Variants in PRELID2 observed in about 807,000 individuals in gnomAD.
PRELID2 encodes PRELI domain containing 2, also known as PRELI domain-containing protein 2.
In PRELID2, 25 loss-of-function variants were observed where a neutral mutation model predicts 28.4. That is an observed-to-expected ratio of 0.88 (90% CI 0.64 to 1.23). The LOEUF (loss-of-function observed/expected upper bound fraction) is 1.23. Ranked by LOEUF, PRELID2 falls within the 50% of genes most tolerant of loss-of-function variation. PRELID2 has a pLI of 0.00. For synonymous variants in PRELID2, 76 were observed against 71.6 expected (o/e 1.06, Z -0.31); for missense variants, 201 against 214.4 (o/e 0.94, Z 0.39).
intron 1 of PRELID2, among the ~76,000 whole-genome samples, chr5:145,572,263 C>A (rs1461472560): frequency 6.6e-6 from 1 of 152,184 alleles, no homozygotes; most frequent in Non-Finnish European, 1.5e-5. Context: ...TGATTGATGT[C>A]TTATGTCTCC....
At chr5:145,799,606 TGAG>T (rs1752994836) in intron 4 of PRELID2, among the ~76,000 whole-genome samples, 1 of 152,128 alleles carries the variant, frequency 6.6e-6, no homozygotes, top group African/African-American at 2.4e-5. Flanking sequence ...GAGAGATGTC[TGAG>T]GAGCCACAAG....
chr5:145,756,313 A>G (rs1757253974), downstream of PRELID2, among the ~76,000 whole-genome samples: 1 of 152,150 alleles, frequency 6.6e-6, no homozygotes, highest in Non-Finnish European at 1.5e-5. Flanking sequence ...GAGATGGGAT[A>G]CCCCCCAAAA....
intron 6 of PRELID2, among the ~76,000 whole-genome samples, chr5:145,764,000 C>T (rs917559492): frequency 2.6e-5 from 4 of 151,926 alleles, no homozygotes; most frequent in African/African-American, 9.7e-5. Flanking sequence ...GGCTTGAACC[C>T]GGGAGATGGA....
At chr5:145,603,062 G>A (rs1030586749) in intron 1 of PRELID2, among the ~76,000 whole-genome samples, 1 of 151,840 alleles carries the variant, frequency 6.6e-6, no homozygotes, top group African/African-American at 2.4e-5. Context: ...CAAGAAACGT[G>A]AAAAATAACT....
At chr5:145,458,346 C>T in the PRELID2 span, among the ~76,000 whole-genome samples, 2 of 152,190 alleles carry the variant, frequency 1.3e-5, no homozygotes, top group African/African-American at 4.8e-5. Context: ...CATTTCAATG[C>T]TGTTTAATAA....
At chr5:145,387,066 A>G in the PRELID2 span, among the ~76,000 whole-genome samples, 1 of 152,224 alleles carries the variant, frequency 6.6e-6, no homozygotes. Flanking sequence ...AATTAATAGT[A>G]GTCAATAAAT....
intron 1 of PRELID2, among the ~76,000 whole-genome samples, chr5:145,829,857 C>T (rs663205): frequency 0.55 from 83,625 of 152,022 alleles, 25,376 homozygotes; most frequent in Non-Finnish European, 0.7. Context: ...TATTAATTAC[C>T]CAATCAACTT....
chr5:145,655,758 A>T (rs542096240), intron 1 of PRELID2, among the ~76,000 whole-genome samples: 2 of 152,360 alleles, frequency 1.3e-5, no homozygotes, highest in East Asian at 3.9e-4. Flanking sequence ...TTCAAGATGC[A>T]TTAAAGACTT....
chr5:145,507,276 A>G (rs2126638172), intron 1 of PRELID2, among the ~76,000 whole-genome samples: 1 of 152,294 alleles, frequency 6.6e-6, no homozygotes, highest in South Asian at 2.1e-4. Context: ...AGTCAAAAAT[A>G]AAGGATTTGG....
At chr5:145,733,257 G>GT (rs1264915884) in intron 1 of PRELID2, among the ~76,000 whole-genome samples, 1 of 151,824 alleles carries the variant, frequency 6.6e-6, no homozygotes, top group African/African-American at 2.4e-5. Flanking sequence ...GTGAGATCTT[G>GT]TCTCAAAAAG....
Position 145,796,173 on chromosome 5 carries a change from ATTTCT to A in PRELID2, c.474+264_474+268del, listed in dbSNP as rs574473856. ...CTATACATTATTATTCATTCTGATT[ATTTCT>A]TTTAATTAGATTATAAGTATGCTCC... is the stretch of plus-strand genomic sequence containing the variant. On this transcript the variant is annotated intron_variant, in intron 5 of 6. Transcript: ENST00000683046. 2.7e-3 allele frequency: 686 copies of A among 256,954 alleles called. 4 individuals carry two copies. Among genetic ancestry groups the A allele is most frequent in the African/African-American group, 0.014 (606 of 44,306 alleles). 15.9% of individuals were successfully genotyped at this position (256,954 alleles called of 1,614,324 possible).
At chr5:145,466,221 T>G in the PRELID2 span, among the ~76,000 whole-genome samples, 1 of 152,254 alleles carries the variant, frequency 6.6e-6, no homozygotes, top group African/African-American at 2.4e-5. Flanking sequence ...CATAGGAAAT[T>G]CACTTTACTA....
At chr5:145,797,048 A>G (rs1561619967) in intron 4 of PRELID2, among the ~76,000 whole-genome samples, 4 of 152,144 alleles carry the variant, frequency 2.6e-5, no homozygotes. Flanking sequence ...GACTTTTTCA[A>G]TCCTCGATTG....
chr5:145,831,786 C>A (rs1755606834), intron 1 of PRELID2, among the ~76,000 whole-genome samples: 1 of 152,148 alleles, frequency 6.6e-6, no homozygotes, highest in African/African-American at 2.4e-5. Context: ...TTCTGTTTCC[C>A]AGTTCTGCCC....
intron 1 of PRELID2, among the ~76,000 whole-genome samples, chr5:145,515,084 A>C (rs1307354584): frequency 1.3e-5 from 2 of 152,210 alleles, no homozygotes; most frequent in Admixed American, 1.3e-4. Context: ...CTCTAACATC[A>C]AAATTAAAAC....
chr5:145,309,100 C>CAA, the PRELID2 span, among the ~76,000 whole-genome samples: 64,458 of 151,852 alleles, frequency 0.42, 14,438 homozygotes, highest in African/African-American at 0.58. Flanking sequence ...GTGGTCAAGT[C>CAA]ATAATAGAGC....
At chr5:145,297,477 A>G in the PRELID2 span, among the ~76,000 whole-genome samples, 2 of 152,160 alleles carry the variant, frequency 1.3e-5, no homozygotes, top group African/African-American at 4.8e-5. Context: ...TCAAAATAAT[A>G]AGAGCTATCT....
chr5:145,361,715 C>T, the PRELID2 span, among the ~76,000 whole-genome samples: 1 of 152,176 alleles, frequency 6.6e-6, no homozygotes, highest in Non-Finnish European at 1.5e-5. Context: ...TCCCACAAGG[C>T]TCCTCATGAT....
the PRELID2 span, among the ~76,000 whole-genome samples, chr5:145,359,325 T>C: frequency 1.3e-5 from 2 of 152,176 alleles, no homozygotes; most frequent in African/African-American, 4.8e-5. Context: ...ATTCAATCTA[T>C]CACAGCTGCC....
Sources: gnomAD v4.1 joint callset for allele counts (sites outside exome capture counted in the v4.1 genomes callset) on GRCh38, gnomAD v4.1.1 for gene constraint, MANE v1.5 for transcripts, NCBI Gene and HGNC (gene_info 2026-07-23, HGNC 2026-07-21) for gene names.